Variants in SET observed in about 807,000 individuals in gnomAD.
SET encodes protein SET.
A neutral mutation model predicts 39.0 loss-of-function variants in SET; 4 were observed. The observed-to-expected ratio is 0.10, with a 90% CI of 0.05 to 0.23. The LOEUF is 0.23. SET is among the 10% of genes least tolerant of loss of function. The pLI, the probability that SET is intolerant of heterozygous loss-of-function variation, is 1.00. For synonymous variants in SET, 114 were observed against 115.9 expected, an observed-to-expected ratio of 0.98 and a Z score of 0.11; for missense variants, 137 against 329.7, an observed-to-expected ratio of 0.42 and a Z score of 4.53.
chr9:128,691,833 C>A, intron 2 of SET, 25 bp from the exon 3 acceptor site: 1 of 1,597,324 alleles, frequency 6.3e-7, no homozygotes. Context: ...CTATCATTGT[C>A]AACATCTCTT....
Position 128,689,587 on chromosome 9 carries a change from C to T in SET, c.5C>T (p.Ser2Leu). 3 of 1,369,006 alleles carry T rather than the reference C, an allele frequency of 2.2e-6. No homozygotes were observed. The highest frequency in any genetic ancestry group is 1.9e-6 in the Non-Finnish European group (2 of 1,041,816). The allele number at this position is 1,369,006 out of a possible 1,614,324, so 84.8% of individuals were successfully genotyped here. A position where few individuals can be genotyped will look rare whatever the true frequency, so the allele number is the denominator to read the frequency against. The change falls in exon 1 of 8, where the codon TCG (serine) becomes TTG (leucine). Residue 2 changes from serine (S) to leucine (L), a missense_variant. By Grantham distance (145) the Ser-to-Leu change is moderately radical. This residue lies in a region of SET where 34 missense variants were observed against 29.5 expected (regional missense o/e 1.15). Coordinates refer to ENST00000322030, the MANE Select transcript of SET (RefSeq NM_003011.4). ...CCCCGACCGCGGAGCAGCACCATGT[C>T]GGCGCCGGCGGCCAAAGTCAGTAAA... The part of the protein sequence containing the change: M[S>L]APAAKVSKKE...
chr9:128,685,166 A>G (rs761897019), upstream of SET: 14 of 1,593,248 alleles, frequency 8.8e-6, no homozygotes, highest in African/African-American at 1.7e-4. Flanking sequence ...CTTTTCCTCC[A>G]CATGGGATGC....
At chr9:128,690,484 A>G (rs901148839) in intron 1 of SET, 12 of 152,834 alleles carry the variant, frequency 7.9e-5, no homozygotes, top group African/African-American at 2.9e-4. Flanking sequence ...TCCAGAGCAC[A>G]CCCCCTTTTC....
chr9:128,693,991 T>A lies in SET; in HGVS notation c.759T>A (p.Asp253Glu). Reference protein sequence around the residue: ...EGLEDIDEEGDEDEGEEDEDD... With the variant: ...EGLEDIDEEGEEDEGEEDEDD... ...TAGAAGATATTGACGAAGAAGGGGA[T>A]GAGGATGAAGGTGAAGAAGATGAAG... Residue 253 changes from aspartate to glutamate, a missense_variant, in exon 7 of 8, where the codon GAT (aspartate) becomes GAA (glutamate). This residue lies in a region of SET where 44 missense variants were observed against 63.0 expected (regional missense o/e 0.70). Coordinates refer to ENST00000322030, the MANE Select transcript of SET (RefSeq NM_003011.4). 4 of 1,556,296 alleles carry A rather than the reference T, an allele frequency of 2.6e-6. No individual in the cohort carries two copies. The highest frequency in any genetic ancestry group is 3.5e-6 in the Non-Finnish European group (4 of 1,133,486).
In SET at chr9:128,694,667, A is replaced by G. The variant is rs778935425; in HGVS notation, c.*3A>G. ...AGGATGAAGGAGAAGATGACTAAAT[A>G]GAACACTGATGGATTCCAACCTTCC... On this transcript the variant is annotated 3_prime_UTR_variant, in exon 8 of 8. Transcript: ENST00000322030. The G allele has an allele frequency of 1.9e-6, 3 of 1,565,110 alleles. No homozygotes were observed. The highest frequency in any genetic ancestry group is 2.3e-5 in the East Asian group (1 of 42,794).
intron 5 of SET, among the ~76,000 whole-genome samples, chr9:128,693,279 G>C (rs1424431240): frequency 6.6e-6 from 1 of 152,124 alleles, no homozygotes; most frequent in Non-Finnish European, 1.5e-5. Flanking sequence ...ATTGAGAACT[G>C]GACTAAATTT....
chr9:128,689,579 C>T lies in SET; in HGVS notation c.-4C>T. On this transcript the variant is annotated 5_prime_UTR_variant, in exon 1 of 8. Coordinates refer to ENST00000322030, the MANE Select transcript of SET (RefSeq NM_003011.4). ...CGCTCCCCCCCCGACCGCGGAGCAGCACCATGTCGGCGCCGGCGGCCAAAG... is the reference window on the plus strand; with the variant it reads ...CGCTCCCCCCCCGACCGCGGAGCAGTACCATGTCGGCGCCGGCGGCCAAAG... 7.3e-7 allele frequency: 1 copy of T among 1,365,970 alleles called. No homozygotes were observed. The highest frequency in any genetic ancestry group is 9.6e-7 in the Non-Finnish European group (1 of 1,040,234). The allele number at this position is 1,365,970 out of a possible 1,614,324, so 84.6% of individuals were successfully genotyped here. A position where few individuals can be genotyped will look rare whatever the true frequency, so the allele number is the denominator to read the frequency against.
At chr9:128,694,167 C>T in intron 7 of SET, 125 bp downstream of exon 7, 1 of 890,492 alleles carries the variant, frequency 1.1e-6, no homozygotes, top group Non-Finnish European at 1.6e-6. Flanking sequence ...AAAAGTAAGC[C>T]ATTTTGTTGT....
Position 128,689,245 on chromosome 9 carries a change from G to A in SET, c.-338G>A. ...GCCCCTCGCCGTAGGAGGAGGTGGAGGAGGAGGCGGCTCGGGAGAGCGAGC... is the reference window on the plus strand; with the variant it reads ...GCCCCTCGCCGTAGGAGGAGGTGGAAGAGGAGGCGGCTCGGGAGAGCGAGC... On this transcript the variant is annotated 5_prime_UTR_variant, in exon 1 of 8. Coordinates refer to ENST00000322030, the MANE Select transcript of SET (RefSeq NM_003011.4). The A allele has an allele frequency of 1.0e-6, 1 of 1,001,924 alleles. No individual in the cohort carries two copies. The highest frequency in any genetic ancestry group is 1.2e-6 in the Non-Finnish European group (1 of 840,192). The allele number at this position is 1,001,924 out of a possible 1,614,324, so 62.1% of individuals were successfully genotyped here.
chr9:128,683,667 A>G (rs1316707435), exon 1 of SET: 5 of 459,622 alleles, frequency 1.1e-5, no homozygotes, highest in Non-Finnish European at 1.9e-5. Context: ...GCCCCTGCAG[A>G]GCGAGGCAGA....
Position 128,689,365 on chromosome 9 carries a change from GGGCC to G in SET, c.-217_-214del. 1 of 1,028,526 alleles carries G rather than the reference GGGCC, an allele frequency of 9.7e-7. No homozygotes were observed. The highest frequency in any genetic ancestry group is 1.2e-6 in the Non-Finnish European group (1 of 846,666). The allele number at this position is 1,028,526 out of a possible 1,614,324, so 63.7% of individuals were successfully genotyped here. A position where few individuals can be genotyped will look rare whatever the true frequency, so the allele number is the denominator to read the frequency against. ...CCTCCGCGAACAGGAGCCCGGGCCG[GGGCC>G]CGGCACGCCGCCCCAGCCCGTCCCT... On this transcript the variant is annotated 5_prime_UTR_variant, in exon 1 of 8. Transcript: ENST00000322030.
In SET at chr9:128,690,992, G is replaced by A. The variant is rs963912076; in HGVS notation, c.74-178G>A. The A allele has an allele frequency of 3.1e-5, 21 of 675,904 alleles. No homozygotes were observed. In the East Asian group the frequency reaches 5.4e-4, roughly 17 times the overall value. The allele number at this position is 675,904 out of a possible 1,614,324, so 41.9% of individuals were successfully genotyped here. Reference sequence around the variant, plus strand: ...CCAGCAGACAGCATGACTTGTAAATGGTCTTTTAATTAATTAAAAAGAAAT... The same window carrying A: ...CCAGCAGACAGCATGACTTGTAAATAGTCTTTTAATTAATTAAAAAGAAAT... On this transcript the variant is annotated intron_variant, in intron 1 of 7. Coordinates refer to ENST00000322030, the MANE Select transcript of SET (RefSeq NM_003011.4).
chr9:128,691,773 G>A, intron 2 of SET, 85 bp from the exon 3 acceptor site: 1 of 1,320,130 alleles, frequency 7.6e-7, no homozygotes, highest in Non-Finnish European at 1.0e-6. Context: ...ACTCAAGCTA[G>A]TAAGTAAATA....
upstream of SET, among the ~76,000 whole-genome samples, chr9:128,686,476 G>C (rs1861288419): frequency 6.6e-6 from 1 of 152,198 alleles, no homozygotes; most frequent in African/African-American, 2.4e-5. Context: ...TATGGGTCAG[G>C]CTTTGAGGAT....
In SET at chr9:128,689,671, C is replaced by G; in HGVS notation, c.73+16C>G. The G allele has an allele frequency of 1.0e-6, 1 of 985,176 alleles. No individual in the cohort carries two copies. Among genetic ancestry groups the G allele is most frequent in the African/African-American group, 1.7e-5 (1 of 57,718 alleles). The allele number at this position is 985,176 out of a possible 1,614,324, so 61.0% of individuals were successfully genotyped here. On this transcript the variant is annotated intron_variant, in intron 1 of 7. Transcript: ENST00000322030. The stretch of plus-strand genomic sequence containing the variant: ...GAGACCTCAGGTGAGAGCAGCGAGC[C>G]CGGGGGCCGGCCCGCGCCGCCATCT...
chr9:128,691,679 T>C (rs979399022), intron 2 of SET, among the ~76,000 whole-genome samples, 179 bp from the exon 3 acceptor site: 3 of 152,236 alleles, frequency 2.0e-5, no homozygotes, highest in African/African-American at 7.2e-5. Flanking sequence ...CAGTGTTTAT[T>C]GATAAATCAG....
upstream of SET, chr9:128,689,152 C>T (rs1861394425): frequency 9.7e-6 from 5 of 517,894 alleles, no homozygotes; most frequent in East Asian, 1.4e-4. Flanking sequence ...AATGGCGCCG[C>T]GGCGCGAGCC....
upstream of SET, among the ~76,000 whole-genome samples, chr9:128,687,641 G>T (rs1164239260): frequency 3.5e-5 from 5 of 141,168 alleles, no homozygotes; most frequent in East Asian, 1.0e-3. Flanking sequence ...AAAAAAAAGA[G>T]CCAATGGTAA....
At chr9:128,687,227 T>C (rs1433051322), upstream of SET, among the ~76,000 whole-genome samples, 2 of 151,122 alleles carry the variant, frequency 1.3e-5, no homozygotes, top group Non-Finnish European at 2.9e-5. Context: ...GGCATGGTAG[T>C]GGGCGCCTGT....
Sources: allele counts gnomAD v4.1 joint callset (sites outside exome capture counted in the v4.1 genomes callset), GRCh38; gene constraint gnomAD v4.1.1; regional missense constraint gnomAD v4.1.1; transcripts MANE v1.5; gene names NCBI Gene and HGNC (gene_info 2026-07-23, HGNC 2026-07-21).